The following CNTN4 variants were observed in gnomAD, a reference collection of about 807,000 sequenced individuals.
The protein encoded by CNTN4 is contactin-4.
CNTN4 carries 77 observed loss-of-function variants against 122.5 expected under a neutral mutation model. The ratio of observed to expected loss-of-function variants is 0.63; its 90% CI spans 0.52 to 0.76. The LOEUF is 0.76. CNTN4 is among the 30% of genes least tolerant of loss of function. The pLI, the probability that CNTN4 is intolerant of heterozygous loss-of-function variation, is 0.00. For missense variants in CNTN4, 1,256 were observed against 1,259.1 expected, an observed-to-expected ratio of 1.00 and a Z score of 0.04; for synonymous variants, 512 against 447.0, an observed-to-expected ratio of 1.15 and a Z score of -1.83.
intron 2 of CNTN4, among the ~76,000 whole-genome samples, chr3:2,283,113 T>C (rs1208801997): frequency 6.6e-6 from 1 of 152,116 alleles, no homozygotes; most frequent in Non-Finnish European, 1.5e-5. Flanking sequence ...AAGTGTATGC[T>C]TTAAAAAGGT....
intron 7 of CNTN4, among the ~76,000 whole-genome samples, chr3:2,835,561 T>TA (rs1451813076): frequency 6.6e-6 from 1 of 152,170 alleles, no homozygotes; most frequent in Admixed American, 6.5e-5. Context: ...TTTTCCGCCA[T>TA]AATGCAATTA....
chr3:2,936,385 G>C (rs575690950), intron 13 of CNTN4, among the ~76,000 whole-genome samples: 1 of 152,118 alleles, frequency 6.6e-6, no homozygotes, highest in Non-Finnish European at 1.5e-5. Flanking sequence ...ATGCTTTCTC[G>C]GGAATTCTGA....
At chr3:2,566,757 C>A (rs535133762) in intron 3 of CNTN4, among the ~76,000 whole-genome samples, 13 of 152,154 alleles carry the variant, frequency 8.5e-5, no homozygotes, top group Non-Finnish European at 1.5e-4. Context: ...AACATGTTTA[C>A]AGAGATTAAG....
At chr3:2,749,112 C>G (rs531943458) in intron 6 of CNTN4, among the ~76,000 whole-genome samples, 4 of 152,276 alleles carry the variant, frequency 2.6e-5, no homozygotes, top group African/African-American at 9.6e-5. Flanking sequence ...TGACCTTCCT[C>G]CAGCCCTCTA....
At chr3:2,571,027 C>T (rs541617323) in intron 3 of CNTN4, among the ~76,000 whole-genome samples, 142 of 151,476 alleles carry the variant, frequency 9.4e-4, no homozygotes, top group East Asian at 2.2e-3. Context: ...CAGTGTTAAG[C>T]CTATCTTGTT....
chr3:2,714,068 A>G (rs1479085684), intron 4 of CNTN4, among the ~76,000 whole-genome samples: 1 of 152,202 alleles, frequency 6.6e-6, no homozygotes, highest in Admixed American at 6.5e-5. Context: ...ACTAGTAATA[A>G]TAATCATAAT....
intron 2 of CNTN4, among the ~76,000 whole-genome samples, chr3:2,244,957 C>T (rs1364789822): frequency 6.6e-6 from 1 of 151,976 alleles, no homozygotes; most frequent in African/African-American, 2.4e-5. Flanking sequence ...TGTTCAATAA[C>T]TATGAGAAGG....
chr3:2,815,801 C>G (rs2092711875), intron 6 of CNTN4, among the ~76,000 whole-genome samples: 1 of 151,536 alleles, frequency 6.6e-6, no homozygotes, highest in Non-Finnish European at 1.5e-5. Context: ...TATAGTGGCA[C>G]AATTCACAAT....
chr3:2,429,563 C>T (rs1215246792), intron 3 of CNTN4, among the ~76,000 whole-genome samples: 2 of 152,218 alleles, frequency 1.3e-5, no homozygotes, highest in African/African-American at 4.8e-5. Context: ...TGTCCGTTCT[C>T]AGATCTCAAA....
At chr3:2,325,279 C>T (rs955313602) in intron 2 of CNTN4, among the ~76,000 whole-genome samples, 4 of 152,104 alleles carry the variant, frequency 2.6e-5, no homozygotes, top group Admixed American at 2.0e-4. Flanking sequence ...ATGCTATCCT[C>T]CTCATTATTT....
intron 14 of CNTN4, among the ~76,000 whole-genome samples, chr3:3,016,576 C>T (rs1697774473): frequency 6.6e-6 from 1 of 152,108 alleles, no homozygotes; most frequent in Non-Finnish European, 1.5e-5. Flanking sequence ...GAAACAAAAA[C>T]CTCCTTATTA....
chr3:2,433,482 G>A lies in CNTN4; in HGVS notation c.-89+94249G>A, dbSNP rs192588919. On this transcript the variant is annotated intron_variant, in intron 3 of 24. Transcript: ENST00000418658. ...GGCTCATTTTTTTATTAGGTTATTT[G>A]TGGGTTTTTTTGCTGTTGAGTTTCA... Among the ~76,000 whole-genome samples, 53 of 140,560 alleles carry A rather than the reference G, an allele frequency of 3.8e-4. No individual in the cohort carries two copies. In the East Asian group the frequency reaches 8.7e-3, roughly 23 times the overall value. 92.2% of individuals were successfully genotyped at this position (140,560 alleles called of 152,430 possible). A position where few individuals can be genotyped will look rare whatever the true frequency, so the allele number is the denominator to read the frequency against.
intron 2 of CNTN4, among the ~76,000 whole-genome samples, chr3:2,325,219 T>TG (rs2043411702): frequency 6.6e-6 from 1 of 152,258 alleles, no homozygotes; most frequent in South Asian, 2.1e-4. Flanking sequence ...AGGATCCATT[T>TG]GTCTATGATT....
At chr3:2,711,086 G>A (rs1354774832) in intron 4 of CNTN4, among the ~76,000 whole-genome samples, 1 of 152,202 alleles carries the variant, frequency 6.6e-6, no homozygotes, top group Non-Finnish European at 1.5e-5. Context: ...TGAACTGTTT[G>A]AAGCACTGGC....
At chr3:2,566,908 G>T (rs1015165647) in intron 3 of CNTN4, among the ~76,000 whole-genome samples, 2 of 152,176 alleles carry the variant, frequency 1.3e-5, no homozygotes, top group Non-Finnish European at 2.9e-5. Flanking sequence ...AATTAGAGAT[G>T]TAGTCAACTT....
In CNTN4 at chr3:2,461,326, C is replaced by T. The variant is rs918231986; in HGVS notation, c.-88-110090C>T. On this transcript the variant is annotated intron_variant, in intron 3 of 24. Transcript: ENST00000418658. ...CTTCCCTTTTATTTATGGAAGTTAT[C>T]ATTAATTATTAATTATTAATTAATT... 6.6e-5 allele frequency among the ~76,000 whole-genome samples: 10 copies of T among 151,696 alleles called. No individual in the cohort carries two copies. The East Asian group carries it at 1.7e-3, about 26-fold the overall frequency.
At chr3:2,429,888 C>T (rs1439962500) in intron 3 of CNTN4, among the ~76,000 whole-genome samples, 2 of 152,112 alleles carry the variant, frequency 1.3e-5, no homozygotes, top group African/African-American at 2.4e-5. Flanking sequence ...AAGCCACGCG[C>T]GGGATATAAT....
At chr3:2,538,971 T>C (rs1262234476) in intron 3 of CNTN4, among the ~76,000 whole-genome samples, 3 of 152,006 alleles carry the variant, frequency 2.0e-5, no homozygotes, top group Non-Finnish European at 2.9e-5. Flanking sequence ...CCATCAAATA[T>C]ATATGCTCAA....
chr3:2,802,286 C>T (rs2150067616), intron 6 of CNTN4, among the ~76,000 whole-genome samples: 1 of 152,290 alleles, frequency 6.6e-6, no homozygotes, highest in South Asian at 2.1e-4. Context: ...ATTTAAGTCA[C>T]CCAACACTTA....
Sources: allele counts gnomAD v4.1 joint callset (sites outside exome capture counted in the v4.1 genomes callset), GRCh38; gene constraint gnomAD v4.1.1; transcripts MANE v1.5; gene names NCBI Gene and HGNC (gene_info 2026-07-23, HGNC 2026-07-21).